ANKRD13B: variants seen among roughly 807,000 people sequenced by gnomAD.
The protein encoded by ANKRD13B is ankyrin repeat domain-containing protein 13B.
ANKRD13B carries 33 observed loss-of-function variants against 74.4 expected under a neutral mutation model. The ratio of observed to expected loss-of-function variants is 0.44; its 90% CI spans 0.34 to 0.59. The LOEUF is 0.59. Ranked by LOEUF, ANKRD13B falls within the 20% of genes least tolerant of loss-of-function variation. The pLI is 0.02. For synonymous variants in ANKRD13B, 341 were observed against 362.9 expected (o/e 0.94, Z 0.68); for missense variants, 676 against 877.9 (o/e 0.77, Z 2.91).
At position 29,612,626 on chromosome 17, in the gene ANKRD13B, G is replaced by A; in HGVS notation, c.1412-26G>A. 2.6e-6 allele frequency: 4 copies of A among 1,524,970 alleles called. No individual in the cohort carries two copies. Among genetic ancestry groups the A allele is most frequent in the Non-Finnish European group, 3.5e-6 (4 of 1,139,794 alleles). The allele number at this position is 1,524,970 out of a possible 1,614,324, so 94.5% of individuals were successfully genotyped here. A position where few individuals can be genotyped will look rare whatever the true frequency, so the allele number is the denominator to read the frequency against. On this transcript the variant is annotated intron_variant, in intron 12 of 14. Transcript: ENST00000394859. The surrounding 1 kb of genome is among the most constrained non-coding windows in gnomAD (Gnocchi z 6.1). ...GGGTGGGAGGGGCGCGCCCGGCCGT[G>A]CCTGACCCAGCCCCCGCGCCCCCAG... is the stretch of plus-strand genomic sequence containing the variant.
Position 29,608,695 on chromosome 17 carries a change from C to T in ANKRD13B, c.422-156C>T. The stretch of plus-strand genomic sequence containing the variant: ...TGCTCTTCTGTGTGAGTATGGTCTA[C>T]ACTGGCCAGGGAGGGGGTTTTGGAG... On this transcript the variant is annotated intron_variant, in intron 4 of 14. Transcript: ENST00000394859. This position sits in a 1 kb window ranked among gnomAD's most constrained non-coding sequence, Gnocchi z 6.4. 2 of 1,084,402 alleles carry T rather than the reference C, an allele frequency of 1.8e-6. No homozygotes were observed. The highest frequency in any genetic ancestry group is 1.3e-6 in the Non-Finnish European group (1 of 768,408). The allele number at this position is 1,084,402 out of a possible 1,614,324, so 67.2% of individuals were successfully genotyped here. A position where few individuals can be genotyped will look rare whatever the true frequency, so the allele number is the denominator to read the frequency against.
At position 29,612,439 on chromosome 17, in the gene ANKRD13B, C is replaced by G. The variant is rs2034616302; in HGVS notation, c.1296C>G (p.Thr432=). 6.2e-7 allele frequency: 1 copy of G among 1,610,368 alleles called. No individual in the cohort carries two copies. Among genetic ancestry groups the G allele is most frequent in the Non-Finnish European group, 8.5e-7 (1 of 1,178,400 alleles). ...TCCACATCCTCAACGCCCGCATCAC[C>G]TTCGGGAACCTCAACGGCTGCGACG... is the stretch of plus-strand genomic sequence containing the variant. ...PIFHILNARI[T]FGNLNGCDEP... is the part of the protein sequence containing the mutation. Residue 432 remains threonine, a synonymous_variant, in exon 12 of 15, where the codon ACC becomes ACG. Coordinates refer to ENST00000394859, the MANE Select transcript of ANKRD13B (RefSeq NM_152345.5). This position sits in a 1 kb window ranked among gnomAD's most constrained non-coding sequence, Gnocchi z 6.1.
Position 29,593,693 on chromosome 17 carries a change from C to A in ANKRD13B, c.72C>A (p.His24Gln). 6.9e-7 allele frequency: 1 copy of A among 1,443,422 alleles called. No homozygotes were observed. Among genetic ancestry groups the A allele is most frequent in the East Asian group, 3.1e-5 (1 of 32,104 alleles). 89.4% of individuals were successfully genotyped at this position (1,443,422 alleles called of 1,614,324 possible). A position where few individuals can be genotyped will look rare whatever the true frequency, so the allele number is the denominator to read the frequency against. ...GKYPLHYLVWHNRHRELEKEV... is the reference protein window; with the variant it reads ...GKYPLHYLVWQNRHRELEKEV... ...ATCCGCTGCACTACCTCGTGTGGCACAACCGCCACCGCGAGCTGGAGAAGG... is the reference window on the plus strand; with the variant it reads ...ATCCGCTGCACTACCTCGTGTGGCAAAACCGCCACCGCGAGCTGGAGAAGG... The change falls in exon 1 of 15, where the codon CAC (histidine) becomes CAA (glutamine). Residue 24 changes from histidine to glutamine, a missense_variant. Physicochemically the swap from His to Gln is conservative, Grantham distance 24 (BLOSUM62 0). Coordinates refer to ENST00000394859, the MANE Select transcript of ANKRD13B (RefSeq NM_152345.5).
In ANKRD13B at chr17:29,614,706, A is replaced by T. The variant is rs1178692128; in HGVS notation, c.*1124A>T. 6.6e-6 allele frequency: 1 copy of T among 152,548 alleles called. No individual in the cohort carries two copies. Among genetic ancestry groups the T allele is most frequent in the East Asian group, 1.9e-4 (1 of 5,190 alleles). The allele number at this position is 152,548 out of a possible 1,614,324, so 9.4% of individuals were successfully genotyped here. On this transcript the variant is annotated 3_prime_UTR_variant, in exon 15 of 15. Transcript: ENST00000394859. ...ACTGTTCCTCCCACCCCCTTCCCTG[A>T]TGCCAGGGGCACCAGACTGATTCTG...
rs2033838937 is a variant in ANKRD13B at position 29,593,508 on chromosome 17, C to T, written c.-114C>T. ...CGCCGCCGCTCGCACATGCCCGAGC[C>T]GCAGCCCCGCGAGCAGGCAGCGCCG... is the stretch of plus-strand genomic sequence containing the variant. On this transcript the variant is annotated 5_prime_UTR_variant, in exon 1 of 15. Transcript: ENST00000394859. 1 of 297,770 alleles carries T rather than the reference C, an allele frequency of 3.4e-6. No homozygotes were observed. Among genetic ancestry groups the T allele is most frequent in the Non-Finnish European group, 4.9e-6 (1 of 204,020 alleles). 18.4% of individuals were successfully genotyped at this position (297,770 alleles called of 1,614,324 possible). A position where few individuals can be genotyped will look rare whatever the true frequency, so the allele number is the denominator to read the frequency against.
intron 1 of ANKRD13B, among the ~76,000 whole-genome samples, chr17:29,596,884 A>G (rs187575699): frequency 2.5e-3 from 386 of 152,146 alleles, no homozygotes; most frequent in African/African-American, 9.1e-3. Flanking sequence ...GATGAGGGGG[A>G]GGGGCTGCAA....
chr17:29,611,509 G>A lies in ANKRD13B; in HGVS notation c.905-70G>A. The A allele has an allele frequency of 1.3e-6, 2 of 1,539,758 alleles. No individual in the cohort carries two copies. Among genetic ancestry groups the A allele is most frequent in the East Asian group, 2.3e-5 (1 of 44,260 alleles). ...GCCTCCTCCCTAGGTCTTGGGTGCT[G>A]TCACCTCTGATGAGGTGCCCAGGTG... is the stretch of plus-strand genomic sequence containing the variant. On this transcript the variant is annotated intron_variant, in intron 8 of 14. Transcript: ENST00000394859. The surrounding 1 kb of genome is among the most constrained non-coding windows in gnomAD (Gnocchi z 4.3).
chr17:29,611,756 C>T lies in ANKRD13B; in HGVS notation c.969+113C>T, dbSNP rs752290723. The T allele has an allele frequency of 1.3e-6, 2 of 1,573,426 alleles. No individual in the cohort carries two copies. The highest frequency in any genetic ancestry group is 1.1e-5 in the South Asian group (1 of 88,226). On this transcript the variant is annotated intron_variant, in intron 9 of 14. Transcript: ENST00000394859. This position sits in a 1 kb window ranked among gnomAD's most constrained non-coding sequence, Gnocchi z 4.3. ...ATGTGGACCTCCTTTCCACAATGCCCAAGGCCATGTCAGCGCCACACTGGC... is the reference window on the plus strand; with the variant it reads ...ATGTGGACCTCCTTTCCACAATGCCTAAGGCCATGTCAGCGCCACACTGGC...
In ANKRD13B at chr17:29,611,621, A is replaced by G; in HGVS notation, c.947A>G (p.Gln316Arg). The change falls in exon 9 of 15, where the codon CAG (glutamine) becomes CGG (arginine). Residue 316 changes from glutamine (Q) to arginine (R), a missense_variant. This residue lies in a region of ANKRD13B where 328 missense variants were observed against 518.4 expected (regional missense o/e 0.63). Transcript: ENST00000394859. The surrounding 1 kb of genome is among the most constrained non-coding windows in gnomAD (Gnocchi z 4.3). Reference protein sequence around the residue: ...PLQSFLGIAEQHGGPQNGTLI... With the variant: ...PLQSFLGIAERHGGPQNGTLI... ...CAGTCCTTCCTGGGAATCGCTGAGC[A>G]GCACGGGGGCCCCCAAAATGGGGTG... is the stretch of plus-strand genomic sequence containing the variant. 2 of 1,614,206 alleles carry G rather than the reference A, an allele frequency of 1.2e-6. No homozygotes were observed. Among genetic ancestry groups the G allele is most frequent in the Non-Finnish European group, 1.7e-6 (2 of 1,180,016 alleles).
chr17:29,604,674 T>G (rs2034304169), intron 1 of ANKRD13B, among the ~76,000 whole-genome samples: 1 of 152,002 alleles, frequency 6.6e-6, no homozygotes. Flanking sequence ...CCTGAGTAGC[T>G]GGGATTACAG....
chr17:29,597,292 G>C (rs947496374), intron 1 of ANKRD13B, among the ~76,000 whole-genome samples: 1 of 152,172 alleles, frequency 6.6e-6, no homozygotes, highest in Non-Finnish European at 1.5e-5. Context: ...GTGCAAATAC[G>C]CACACACACG....
intron 1 of ANKRD13B, among the ~76,000 whole-genome samples, chr17:29,600,695 C>T (rs1433887014): frequency 6.6e-6 from 1 of 152,104 alleles, no homozygotes; most frequent in African/African-American, 2.4e-5. Context: ...CTCTGCCATC[C>T]CCATTGCCTG....
Position 29,593,526 on chromosome 17 carries a change from C to T in ANKRD13B, c.-96C>T, listed in dbSNP as rs1165102536. ...CCCGAGCCGCAGCCCCGCGAGCAGG[C>T]AGCGCCGGCCCCCCGCCCCGCGGCC... On this transcript the variant is annotated 5_prime_UTR_variant, in exon 1 of 15. An upstream open reading frame in the 5' UTR gains an earlier in-frame stop. Transcript: ENST00000394859. The T allele has an allele frequency of 3.0e-5, 12 of 400,232 alleles. No homozygotes were observed. In the East Asian group the frequency reaches 1.8e-3, roughly 61 times the overall value. 24.8% of individuals were successfully genotyped at this position (400,232 alleles called of 1,614,324 possible).
At chr17:29,596,444 A>G (rs752050744) in intron 1 of ANKRD13B, among the ~76,000 whole-genome samples, 1 of 152,196 alleles carries the variant, frequency 6.6e-6, no homozygotes, top group Non-Finnish European at 1.5e-5. Context: ...CTTGCCTGGC[A>G]TGGCCAGCTG....
chr17:29,612,655 C>T lies in ANKRD13B; in HGVS notation c.1415C>T (p.Ser472Phe). Residue 472 changes from serine to phenylalanine, a missense_variant, in exon 13 of 15, where the codon TCC becomes TTC. Around this residue, in one of 4 missense-constraint regions of ANKRD13B, gnomAD observed 152 missense variants for 181.4 expected, o/e 0.84. Transcript: ENST00000394859. This position sits in a 1 kb window ranked among gnomAD's most constrained non-coding sequence, Gnocchi z 6.1. The part of the protein sequence containing the change: ...SSVSSSSSTT[S>F]CRGCEISPAL... ...GACCCAGCCCCCGCGCCCCCAGCCTCCTGCCGCGGCTGCGAGATCTCCCCA... is the reference window on the plus strand; with the variant it reads ...GACCCAGCCCCCGCGCCCCCAGCCTTCTGCCGCGGCTGCGAGATCTCCCCA... 6.5e-7 allele frequency: 1 copy of T among 1,547,158 alleles called. No individual in the cohort carries two copies. Among genetic ancestry groups the T allele is most frequent in the Non-Finnish European group, 8.7e-7 (1 of 1,152,798 alleles).
chr17:29,610,333 A>G (rs1322124658), intron 7 of ANKRD13B, among the ~76,000 whole-genome samples: 1 of 152,118 alleles, frequency 6.6e-6, no homozygotes, highest in Non-Finnish European at 1.5e-5. Context: ...TAGTCTGGGA[A>G]GGCCTCTGTG....
chr17:29,599,653 C>G (rs984761496), intron 1 of ANKRD13B, among the ~76,000 whole-genome samples: 4 of 151,988 alleles, frequency 2.6e-5, no homozygotes, highest in South Asian at 4.1e-4. Context: ...ATGCAGAAAA[C>G]AAGGAAAAGT....
intron 1 of ANKRD13B, among the ~76,000 whole-genome samples, chr17:29,601,571 G>A (rs1418230696): frequency 6.6e-6 from 1 of 152,040 alleles, no homozygotes; most frequent in Non-Finnish European, 1.5e-5. Context: ...TCAATCCTTT[G>A]TACAGATTCA....
At chr17:29,613,032 C>T (rs2034654680) in intron 14 of ANKRD13B, 69 bp downstream of exon 14, 3 of 1,540,696 alleles carry the variant, frequency 1.9e-6, no homozygotes, top group South Asian at 2.3e-5. Flanking sequence ...AGGACACAGC[C>T]GGAGAACCCG....
Sources: allele counts gnomAD v4.1 joint callset (sites outside exome capture counted in the v4.1 genomes callset), GRCh38; gene constraint gnomAD v4.1.1; regional missense constraint gnomAD v4.1.1; non-coding constraint Gnocchi (gnomAD v3.1); transcripts MANE v1.5; gene names NCBI Gene and HGNC (gene_info 2026-07-23, HGNC 2026-07-21).